The following UGT2B7 variants were observed in gnomAD, a reference collection of about 807,000 sequenced individuals.
The protein encoded by UGT2B7 is UDP glucuronosyltransferase family 2 member B7.
A neutral mutation model predicts 51.9 loss-of-function variants in UGT2B7; 51 were observed. That is an observed-to-expected ratio of 0.98 (90% confidence interval 0.78 to 1.24). The LOEUF is 1.24. UGT2B7 is among the 50% of genes most tolerant of loss of function. The probability of loss-of-function intolerance (pLI) is 0.00; values close to 1 mark genes in which losing one functional copy is unlikely to be tolerated. For missense variants in UGT2B7, 727 were observed against 628.4 expected (o/e 1.16, Z -1.68); for synonymous variants, 225 against 211.6 (o/e 1.06, Z -0.55).
intron 1 of UGT2B7, among the ~76,000 whole-genome samples, chr4:69,056,855 G>T (rs891206691): frequency 4.6e-5 from 7 of 152,058 alleles, no homozygotes; most frequent in Non-Finnish European, 1.5e-5. Context: ...TCAAAAGGGG[G>T]GAATGAAGGA....
At chr4:69,105,255 ATAAAATATAGTAGAAATATAT>A (rs200457644) in intron 3 of UGT2B7, among the ~76,000 whole-genome samples, 29,861 of 151,994 alleles carry the variant, frequency 0.2, 3,075 homozygotes, top group South Asian at 0.28. Context: ...TACCCCCTCT[ATAAAATATAGTAGAAATATAT>A]TATCTTTTAT....
intron 2 of UGT2B7, among the ~76,000 whole-genome samples, chr4:69,101,309 T>C (rs1415005864): frequency 6.6e-6 from 1 of 152,040 alleles, no homozygotes; most frequent in African/African-American, 2.4e-5. Flanking sequence ...ATAAATAATA[T>C]CACAACATAA....
chr4:69,076,780 A>C (rs1718716619), intron 1 of UGT2B7, among the ~76,000 whole-genome samples: 1 of 152,122 alleles, frequency 6.6e-6, no homozygotes, highest in African/African-American at 2.4e-5. Context: ...GAAGCTCTTT[A>C]GTTTAATTAG....
intron 1 of UGT2B7, among the ~76,000 whole-genome samples, chr4:69,054,270 C>A (rs1356158128): frequency 1.3e-5 from 2 of 152,096 alleles, no homozygotes; most frequent in Non-Finnish European, 2.9e-5. Flanking sequence ...GGGCACTGGC[C>A]AAGGCCAGTG....
chr4:69,058,098 T>A (rs1405496419), intron 1 of UGT2B7, among the ~76,000 whole-genome samples: 1 of 152,086 alleles, frequency 6.6e-6, no homozygotes, highest in African/African-American at 2.4e-5. Flanking sequence ...AAAACAGAGT[T>A]AAAGGGAAAG....
chr4:69,062,242 C>A (rs1378782705), intron 1 of UGT2B7, among the ~76,000 whole-genome samples: 4 of 152,116 alleles, frequency 2.6e-5, no homozygotes, highest in African/African-American at 9.7e-5. Context: ...ACAAAACAAA[C>A]CACACTGGGT....
intron 1 of UGT2B7, among the ~76,000 whole-genome samples, chr4:69,080,628 T>C (rs1718815067): frequency 6.6e-6 from 1 of 152,024 alleles, no homozygotes; most frequent in Non-Finnish European, 1.5e-5. Flanking sequence ...ATGAGACGAT[T>C]AAAATTGATC....
At chr4:69,070,202 A>T (rs1338910697) in intron 1 of UGT2B7, among the ~76,000 whole-genome samples, 4 of 148,416 alleles carry the variant, frequency 2.7e-5, no homozygotes, top group Admixed American at 1.4e-4. Flanking sequence ...TGCATTTCAA[A>T]AAAACCTCTT....
intron 1 of UGT2B7, among the ~76,000 whole-genome samples, chr4:69,075,955 C>T (rs1185681041): frequency 6.6e-6 from 1 of 151,796 alleles, no homozygotes; most frequent in African/African-American, 2.4e-5. Flanking sequence ...ACAGGCCCCA[C>T]TGTGTGATGT....
intron 1 of UGT2B7, among the ~76,000 whole-genome samples, chr4:69,073,202 A>C (rs1031726249): frequency 9.9e-5 from 15 of 152,276 alleles, no homozygotes; most frequent in African/African-American, 3.4e-4. Flanking sequence ...TCATACTCCC[A>C]ACAAATCAAC....
At chr4:69,058,514 G>A (rs933227226) in intron 1 of UGT2B7, among the ~76,000 whole-genome samples, 13 of 152,222 alleles carry the variant, frequency 8.5e-5, no homozygotes, top group African/African-American at 2.4e-4. Flanking sequence ...CTCCTGCAAA[G>A]TTTAAGGGAA....
chr4:69,077,932 T>C (rs575203169), intron 1 of UGT2B7, among the ~76,000 whole-genome samples: 1 of 152,278 alleles, frequency 6.6e-6, no homozygotes, highest in African/African-American at 2.4e-5. Context: ...AAGAAGCTCT[T>C]ATTATTTTGA....
Position 69,112,850 on chromosome 4 carries a change from G to T in UGT2B7, c.*114G>T. 1 of 974,590 alleles carries T rather than the reference G, an allele frequency of 1.0e-6. No individual in the cohort carries two copies. Among genetic ancestry groups the T allele is most frequent in the South Asian group, 2.3e-5 (1 of 43,278 alleles). The allele number at this position is 974,590 out of a possible 1,614,324, so 60.4% of individuals were successfully genotyped here. ...TCTTCCTGAGACAAAAAAAAAAAAA[G>T]AAAAAAAAATCTTTTCAAAATTTAC... On this transcript the variant is annotated 3_prime_UTR_variant, in exon 6 of 6. Transcript: ENST00000305231.
In UGT2B7 at chr4:69,112,833, A is replaced by AT; in HGVS notation, c.*97_*98insT. 2 of 1,250,586 alleles carry AT rather than the reference A, an allele frequency of 1.6e-6. No homozygotes were observed. The highest frequency in any genetic ancestry group is 2.2e-5 in the South Asian group (1 of 46,088). 77.5% of individuals were successfully genotyped at this position (1,250,586 alleles called of 1,614,324 possible). A position where few individuals can be genotyped will look rare whatever the true frequency, so the allele number is the denominator to read the frequency against. On this transcript the variant is annotated 3_prime_UTR_variant, in exon 6 of 6. Coordinates refer to ENST00000305231, the MANE Select transcript of UGT2B7 (RefSeq NM_001074.4). ...GTGATGCAAGATTTCTTTCTTCCTG[A>AT]GACAAAAAAAAAAAAAGAAAAAAAA...
At chr4:69,071,097 T>C (rs1208621998) in intron 1 of UGT2B7, among the ~76,000 whole-genome samples, 2 of 152,098 alleles carry the variant, frequency 1.3e-5, no homozygotes, top group Admixed American at 6.6e-5. Context: ...CCATTTGTAA[T>C]TGGATGGTAA....
At chr4:69,091,398 G>GT (rs112636942) in intron 2 of UGT2B7, among the ~76,000 whole-genome samples, 23,920 of 146,256 alleles carry the variant, frequency 0.16, 2,151 homozygotes, top group Admixed American at 0.28. Context: ...TAAAGATTTT[G>GT]TTTTTTTTTT....
At chr4:69,097,325 G>T in intron 1 of UGT2B7, 84 bp downstream of exon 1, 1 of 1,472,066 alleles carries the variant, frequency 6.8e-7, no homozygotes, top group Non-Finnish European at 9.1e-7. Flanking sequence ...CATAAAGTCA[G>T]GGTAGTGGGG....
intron 1 of UGT2B7, among the ~76,000 whole-genome samples, chr4:69,065,902 A>T (rs532719932): frequency 6.6e-6 from 1 of 152,294 alleles, no homozygotes. Flanking sequence ...ACAATTACTT[A>T]AATATTTGAA....
At chr4:69,064,837 T>A (rs902127725) in intron 1 of UGT2B7, among the ~76,000 whole-genome samples, 1 of 152,194 alleles carries the variant, frequency 6.6e-6, no homozygotes, top group Non-Finnish European at 1.5e-5. Flanking sequence ...GGACAGATGA[T>A]AAAACAGCAC....
Sources: gnomAD v4.1 joint callset for allele counts (sites outside exome capture counted in the v4.1 genomes callset) on GRCh38, gnomAD v4.1.1 for gene constraint, MANE v1.5 for transcripts, NCBI Gene and HGNC (gene_info 2026-07-23, HGNC 2026-07-21) for gene names.